Variants in CTNND2 observed in about 807,000 individuals in gnomAD.
The protein encoded by CTNND2 is catenin delta-2.
A neutral mutation model predicts 144.4 loss-of-function variants in CTNND2; 22 were observed. The observed-to-expected ratio is 0.15, with a 90% CI of 0.11 to 0.22. The LOEUF is 0.22. Among genes scored for constraint, CTNND2 ranks in the 10% least tolerant of loss-of-function variants. The pLI, the probability that CTNND2 is intolerant of heterozygous loss-of-function variation, is 1.00. For synonymous variants in CTNND2, 751 were observed against 695.6 expected, an observed-to-expected ratio of 1.08 and a Z score of -1.25; for missense variants, 1,353 against 1,618.8, an observed-to-expected ratio of 0.84 and a Z score of 2.82.
At chr5:11,814,952 G>A (rs1792545912) in intron 1 of CTNND2, among the ~76,000 whole-genome samples, 1 of 152,152 alleles carries the variant, frequency 6.6e-6, no homozygotes, top group Admixed American at 6.5e-5. Context: ...TCATATTTTA[G>A]TAGTAAATGC....
At chr5:11,000,103 G>A (rs560757103) in intron 18 of CTNND2, among the ~76,000 whole-genome samples, 123 of 152,234 alleles carry the variant, frequency 8.1e-4, no homozygotes, top group Middle Eastern at 3.4e-3. Flanking sequence ...TGTAAACATC[G>A]CCAAGAAGAA....
At chr5:11,891,660 C>T (rs570407527) in intron 1 of CTNND2, among the ~76,000 whole-genome samples, 2 of 152,188 alleles carry the variant, frequency 1.3e-5, no homozygotes, top group African/African-American at 4.8e-5. Context: ...AGGCGGCCAT[C>T]TGCAAGTCAG....
intron 3 of CTNND2, among the ~76,000 whole-genome samples, chr5:11,512,732 G>A (rs530590759): frequency 1.8e-4 from 27 of 152,272 alleles, no homozygotes; most frequent in African/African-American, 5.8e-4. Flanking sequence ...AGGGCTCCAG[G>A]GGAATGAGGG....
At chr5:11,458,297 GTTTCATAAACAGCT>G in intron 3 of CTNND2, among the ~76,000 whole-genome samples, 1 of 152,268 alleles carries the variant, frequency 6.6e-6, no homozygotes, top group Admixed American at 6.5e-5. Flanking sequence ...CATGACAGTT[GTTTCATAAACAGCT>G]GAGGTATGGA....
chr5:11,637,810 A>G (rs78109880), intron 2 of CTNND2, among the ~76,000 whole-genome samples: 5,778 of 152,156 alleles, frequency 0.038, 208 homozygotes, highest in African/African-American at 0.097. Context: ...CTCAAAACCT[A>G]TTATGTCTAG....
At chr5:11,451,994 G>A (rs1196627417) in intron 3 of CTNND2, among the ~76,000 whole-genome samples, 1 of 152,112 alleles carries the variant, frequency 6.6e-6, no homozygotes, top group East Asian at 1.9e-4. Context: ...TGGTACATAC[G>A]TTGCATGGTG....
At chr5:11,329,584 A>T (rs1007561687) in intron 9 of CTNND2, among the ~76,000 whole-genome samples, 2 of 152,332 alleles carry the variant, frequency 1.3e-5, no homozygotes, top group Middle Eastern at 3.4e-3. Context: ...AGCCAGTCTG[A>T]ATTCAGAGTG....
intron 1 of CTNND2, among the ~76,000 whole-genome samples, chr5:11,822,122 G>A (rs1405289684): frequency 6.6e-6 from 1 of 152,044 alleles, no homozygotes; most frequent in Non-Finnish European, 1.5e-5. Context: ...CAAATATAAT[G>A]TCAATATTAT....
At chr5:11,485,264 A>C (rs1768686975) in intron 3 of CTNND2, among the ~76,000 whole-genome samples, 2 of 152,202 alleles carry the variant, frequency 1.3e-5, no homozygotes, top group African/African-American at 4.8e-5. Context: ...TTATGCAATC[A>C]GTAGAAAAAA....
chr5:11,013,799 C>T (rs915467353), intron 18 of CTNND2, among the ~76,000 whole-genome samples: 2 of 152,156 alleles, frequency 1.3e-5, no homozygotes, highest in Non-Finnish European at 2.9e-5. Context: ...GCCCCCTGTC[C>T]CCATCCTCCC....
At chr5:11,441,640 C>G (rs1425750845) in intron 3 of CTNND2, among the ~76,000 whole-genome samples, 6 of 114,950 alleles carry the variant, frequency 5.2e-5, no homozygotes, top group African/African-American at 1.6e-4. Context: ...CCACCCCCCA[C>G]CCCACCCCCT....
intron 1 of CTNND2, among the ~76,000 whole-genome samples, chr5:11,888,007 T>C (rs1012230549): frequency 8.5e-5 from 13 of 152,334 alleles, no homozygotes; most frequent in African/African-American, 2.9e-4. Context: ...TATCCTTGGA[T>C]GCTAAATTAT....
At chr5:11,810,869 TAAA>T (rs879499069) in intron 1 of CTNND2, among the ~76,000 whole-genome samples, 28 of 151,732 alleles carry the variant, frequency 1.8e-4, no homozygotes, top group African/African-American at 6.5e-4. Context: ...CCTATTTTTT[TAAA>T]AAAAAAGACA....
At chr5:11,683,783 A>T (rs1268088351) in intron 2 of CTNND2, among the ~76,000 whole-genome samples, 9 of 152,236 alleles carry the variant, frequency 5.9e-5, no homozygotes, top group Non-Finnish European at 1.3e-4. Context: ...CTATGGAGAA[A>T]CAACATATAA....
intron 2 of CTNND2, among the ~76,000 whole-genome samples, chr5:11,566,599 C>T (rs915335605): frequency 6.6e-6 from 1 of 152,188 alleles, no homozygotes; most frequent in Non-Finnish European, 1.5e-5. Context: ...CCTCACATGT[C>T]GATGGAAATT....
chr5:11,547,883 C>A (rs1483415186), intron 3 of CTNND2, among the ~76,000 whole-genome samples: 2 of 152,210 alleles, frequency 1.3e-5, no homozygotes, highest in African/African-American at 2.4e-5. Context: ...AGTCATTTCT[C>A]TTCTGTGCCC....
At chr5:11,502,027 C>CAAAAAAAAAAA (rs547364682) in intron 3 of CTNND2, among the ~76,000 whole-genome samples, 1 of 57,240 alleles carries the variant, frequency 1.7e-5, no homozygotes, top group African/African-American at 4.5e-5. Context: ...GACTCCATCT[C>CAAAAAAAAAAA]AAAAAAAAAA....
chr5:11,153,226 C>T (rs1757909592), intron 12 of CTNND2, among the ~76,000 whole-genome samples: 1 of 152,090 alleles, frequency 6.6e-6, no homozygotes, highest in African/African-American at 2.4e-5. Flanking sequence ...CATGCCACTG[C>T]ACTCTAGCCT....
intron 9 of CTNND2, among the ~76,000 whole-genome samples, chr5:11,307,574 T>C (rs1750376768): frequency 6.6e-6 from 1 of 152,170 alleles, no homozygotes; most frequent in Non-Finnish European, 1.5e-5. Flanking sequence ...ATTATCTCAG[T>C]ATCTAAAGGG....
Sources: allele counts gnomAD v4.1 joint callset (sites outside exome capture counted in the v4.1 genomes callset), GRCh38; gene constraint gnomAD v4.1.1; transcripts MANE v1.5; gene names NCBI Gene and HGNC (gene_info 2026-07-23, HGNC 2026-07-21).